WDR76: variants seen among roughly 807,000 people sequenced by gnomAD.
WDR76 encodes WD repeat-containing protein 76.
Under a neutral mutation model 70.2 loss-of-function variants are expected in WDR76, and 52 were observed. The ratio of observed to expected loss-of-function variants is 0.74; its 90% CI spans 0.59 to 0.93. WDR76 has a LOEUF of 0.93. Ranked by LOEUF, WDR76 falls within the 40% of genes least tolerant of loss-of-function variation. The pLI is 0.00. For missense variants in WDR76, 756 were observed against 760.2 expected, an observed-to-expected ratio of 0.99 and a Z score of 0.07; for synonymous variants, 292 against 271.1, an observed-to-expected ratio of 1.08 and a Z score of -0.76.
chr15:43,862,437 C>T (rs1291912544), intron 12 of WDR76, among the ~76,000 whole-genome samples: 1 of 150,930 alleles, frequency 6.6e-6, no homozygotes, highest in Admixed American at 6.6e-5. Flanking sequence ...CCTGCCTCAG[C>T]CTCCCAAGAA....
chr15:43,836,021 T>A (rs1408298010), intron 3 of WDR76, 140 bp from the exon 4 acceptor site: 4 of 626,832 alleles, frequency 6.4e-6, no homozygotes, highest in South Asian at 6.7e-5. Context: ...GTGGCGCTGA[T>A]CATGACTCAT....
At chr15:43,837,199 G>T (rs1364508249) in intron 4 of WDR76, among the ~76,000 whole-genome samples, 1 of 152,088 alleles carries the variant, frequency 6.6e-6, no homozygotes, top group Non-Finnish European at 1.5e-5. Context: ...CTAAAATCTT[G>T]GTATCATTAG....
intron 12 of WDR76, among the ~76,000 whole-genome samples, chr15:43,865,503 C>A (rs923168386): frequency 3.3e-5 from 5 of 152,152 alleles, no homozygotes; most frequent in African/African-American, 1.2e-4. Context: ...AACTCCTGAC[C>A]TTGAATGATC....
chr15:43,851,346 C>T (rs2087857677), intron 9 of WDR76, 101 bp downstream of exon 9: 1 of 1,478,174 alleles, frequency 6.8e-7, no homozygotes, highest in Middle Eastern at 1.8e-4. Context: ...AGTGGTATAG[C>T]AGAAGGACTT....
chr15:43,865,088 A>C (rs879385796), intron 12 of WDR76, among the ~76,000 whole-genome samples: 3,199 of 102,568 alleles, frequency 0.031, no homozygotes, highest in Middle Eastern at 0.088. Context: ...TGCCTGGCTA[A>C]TTTTTGTATT....
chr15:43,835,135 T>G lies in WDR76; in HGVS notation c.537T>G (p.Ser179=). 1 of 1,614,110 alleles carries G rather than the reference T, an allele frequency of 6.2e-7. No individual in the cohort carries two copies. The highest frequency in any genetic ancestry group is 8.5e-7 in the Non-Finnish European group (1 of 1,180,002). ...CAGAAAACGCAGACTTTTTTGCTTC[T>G]CTTCAGTTGTCTGAGGTTTGTGTGG... ...NISENADFFA[S]LQLSESAARL... is the part of the protein sequence containing the mutation. Residue 179 remains serine (S), a synonymous_variant, in exon 3 of 13, where the codon TCT becomes TCG. Coordinates refer to ENST00000263795, the MANE Select transcript of WDR76 (RefSeq NM_024908.4).
intron 12 of WDR76, among the ~76,000 whole-genome samples, chr15:43,865,655 C>T (rs995091065): frequency 6.6e-5 from 10 of 151,834 alleles, no homozygotes; most frequent in South Asian, 6.2e-4. Context: ...CCACCTGCCT[C>T]GGCCTCCCAA....
chr15:43,833,540 C>T lies in WDR76; in HGVS notation c.463-1521C>T, dbSNP rs865825530. On this transcript the variant is annotated intron_variant, in intron 2 of 12. Coordinates refer to ENST00000263795, the MANE Select transcript of WDR76 (RefSeq NM_024908.4). Reference sequence around the variant, plus strand: ...TTCACTGTGTTAGCTAGGATGGTCTCGATCTCCTGACCTTGTGATCTGCCT... The same window carrying T: ...TTCACTGTGTTAGCTAGGATGGTCTTGATCTCCTGACCTTGTGATCTGCCT... 8.6e-5 allele frequency among the ~76,000 whole-genome samples: 13 copies of T among 151,758 alleles called. No individual in the cohort carries two copies. The South Asian group carries it at 1.2e-3, about 15-fold the overall frequency.
At chr15:43,857,388 A>T (rs1392568950) in intron 10 of WDR76, 2 of 885,870 alleles carry the variant, frequency 2.3e-6, no homozygotes, top group African/African-American at 3.6e-5. Flanking sequence ...GCTGAAAGAA[A>T]TTTTTGTTTT....
chr15:43,851,277 A>C (rs570816651), intron 9 of WDR76, 32 bp downstream of exon 9: 3 of 1,606,506 alleles, frequency 1.9e-6, no homozygotes, highest in South Asian at 2.2e-5. Context: ...TGCTGACTTC[A>C]GATGATATTC....
At chr15:43,862,017 T>C (rs990403246) in intron 12 of WDR76, among the ~76,000 whole-genome samples, 11 of 151,930 alleles carry the variant, frequency 7.2e-5, no homozygotes, top group East Asian at 1.9e-4. Flanking sequence ...TTTGTATCTT[T>C]AGTAGCGACG....
At position 43,839,791 on chromosome 15, in the gene WDR76, A is replaced by G. The variant is rs959272471; in HGVS notation, c.732+63A>G. 27 of 1,461,248 alleles carry G rather than the reference A, an allele frequency of 1.8e-5. No individual in the cohort carries two copies. In the Admixed American group the frequency reaches 4.1e-4, roughly 22 times the overall value. 90.5% of individuals were successfully genotyped at this position (1,461,248 alleles called of 1,614,324 possible). A position where few individuals can be genotyped will look rare whatever the true frequency, so the allele number is the denominator to read the frequency against. On this transcript the variant is annotated intron_variant, in intron 5 of 12. Coordinates refer to ENST00000263795, the MANE Select transcript of WDR76 (RefSeq NM_024908.4). ...AAATACTGAAAAATTTGAAGTGTTG[A>G]AACTAGACTAAAAGTTCATTAAATT...
chr15:43,840,826 C>A (rs1050958745), intron 5 of WDR76, among the ~76,000 whole-genome samples: 1 of 152,048 alleles, frequency 6.6e-6, no homozygotes, highest in South Asian at 2.1e-4. Context: ...AAAAAAAATA[C>A]AAAAATCAGC....
chr15:43,858,437 C>T (rs1296506082), intron 10 of WDR76: 7 of 431,766 alleles, frequency 1.6e-5, no homozygotes, highest in East Asian at 4.6e-5. Flanking sequence ...TTAGTAGAGA[C>T]GGGGTTTCTC....
At chr15:43,837,599 C>G (rs1358635494) in intron 4 of WDR76, among the ~76,000 whole-genome samples, 1 of 152,136 alleles carries the variant, frequency 6.6e-6, no homozygotes. Context: ...ACAGCTATGA[C>G]AGTAACCTTG....
intron 4 of WDR76, among the ~76,000 whole-genome samples, chr15:43,838,946 G>A (rs938078124): frequency 2.6e-5 from 4 of 152,052 alleles, no homozygotes; most frequent in African/African-American, 7.2e-5. Flanking sequence ...CAATCAGTAG[G>A]TTTTACTAAT....
chr15:43,851,722 C>T (rs770747611), intron 9 of WDR76, among the ~76,000 whole-genome samples: 1 of 152,130 alleles, frequency 6.6e-6, no homozygotes, highest in Non-Finnish European at 1.5e-5. Flanking sequence ...TCACTTCAGG[C>T]CAGGAGTTCC....
intron 2 of WDR76, among the ~76,000 whole-genome samples, chr15:43,833,480 G>T (rs566715623): frequency 2.6e-5 from 4 of 151,582 alleles, no homozygotes; most frequent in East Asian, 3.9e-4. Flanking sequence ...CACCATGCCC[G>T]GCTAATTTTT....
rs540243911 is a variant in WDR76, at chr15:43,834,292, A to T, written c.463-769A>T. ...TAAGGGAAGTTTTTTTGTTGGAAAA[A>T]AATAACTTTTTTTTTTTTTTTTTTT... On this transcript the variant is annotated intron_variant, in intron 2 of 12. Transcript: ENST00000263795. Among the ~76,000 whole-genome samples the T allele has an allele frequency of 1.5e-4, 23 of 151,710 alleles. 1 individual carries two copies. In the East Asian group the frequency reaches 4.4e-3, roughly 29 times the overall value.
Sources: allele counts gnomAD v4.1 joint callset (sites outside exome capture counted in the v4.1 genomes callset), GRCh38; gene constraint gnomAD v4.1.1; transcripts MANE v1.5; gene names NCBI Gene and HGNC (gene_info 2026-07-23, HGNC 2026-07-21).